Variants in CERT1 observed in about 807,000 individuals in gnomAD.
CERT1 encodes ceramide transporter 1, also known as ceramide transfer protein.
A neutral mutation model predicts 87.9 loss-of-function variants in CERT1; 31 were observed. That is an observed-to-expected ratio of 0.35 (90% CI 0.27 to 0.48). CERT1 has a LOEUF of 0.48. Among genes scored for constraint, CERT1 ranks in the 20% least tolerant of loss-of-function variants. The pLI, the probability that CERT1 is intolerant of heterozygous loss-of-function variation, is 0.99. For synonymous variants in CERT1, 289 were observed against 250.9 expected, an observed-to-expected ratio of 1.15 and a Z score of -1.44; for missense variants, 487 against 758.0, an observed-to-expected ratio of 0.64 and a Z score of 4.20.
chr5:75,468,444 A>C (rs1765562369), intron 2 of CERT1, among the ~76,000 whole-genome samples: 1 of 152,114 alleles, frequency 6.6e-6, no homozygotes, highest in South Asian at 2.1e-4. Flanking sequence ...CACAGTAAAA[A>C]TCCAGTGCCA....
chr5:75,431,540 CTG>C (rs1763867267), intron 3 of CERT1, among the ~76,000 whole-genome samples: 1 of 152,170 alleles, frequency 6.6e-6, no homozygotes, highest in Admixed American at 6.5e-5. Flanking sequence ...GATCCCTTCT[CTG>C]TGTTATGGGG....
In CERT1 at chr5:75,440,242, CATGA is replaced by C. The variant is rs554945003; in HGVS notation, c.349-13768_349-13765del. Among the ~76,000 whole-genome samples, 101 of 152,166 alleles carry C rather than the reference CATGA, an allele frequency of 6.6e-4. 1 individual carries two copies. The highest frequency in any genetic ancestry group is 2.4e-3 in the African/African-American group (98 of 41,554). On this transcript the variant is annotated intron_variant, in intron 3 of 16. Coordinates refer to ENST00000643780, the MANE Select transcript of CERT1 (RefSeq NM_001379029.1). ...AATAATTTCCAGGAACTGAACCAAT[CATGA>C]ATCAAATAAATTTTAAAACATTTAT...
chr5:75,484,462 TAA>T (rs879290541), intron 2 of CERT1, among the ~76,000 whole-genome samples: 9 of 137,366 alleles, frequency 6.6e-5, no homozygotes, highest in South Asian at 2.3e-4. Flanking sequence ...CTGAATGGAT[TAA>T]AAAAAAAAAA....
intron 7 of CERT1, among the ~76,000 whole-genome samples, chr5:75,414,508 A>G (rs1763062784): frequency 6.6e-6 from 1 of 152,174 alleles, no homozygotes; most frequent in South Asian, 2.1e-4. Context: ...TGAATCTAAT[A>G]ATGTAAGAAA....
intron 3 of CERT1, among the ~76,000 whole-genome samples, chr5:75,427,441 A>G (rs1348240547): frequency 1.3e-5 from 2 of 152,198 alleles, no homozygotes; most frequent in African/African-American, 4.8e-5. Flanking sequence ...TCTACTAAAA[A>G]TACAAAAATT....
At chr5:75,445,314 A>G (rs1391571116) in intron 3 of CERT1, among the ~76,000 whole-genome samples, 1 of 152,200 alleles carries the variant, frequency 6.6e-6, no homozygotes, top group African/African-American at 2.4e-5. Context: ...TTATTTCTTC[A>G]TACAGCTCAG....
chr5:75,476,374 A>G (rs1041389272), intron 2 of CERT1, among the ~76,000 whole-genome samples: 1 of 152,054 alleles, frequency 6.6e-6, no homozygotes, highest in African/African-American at 2.4e-5. Context: ...TTTAGTATAT[A>G]TAACGGAATG....
chr5:75,487,501 G>A (rs575520973), intron 2 of CERT1, among the ~76,000 whole-genome samples: 9 of 151,996 alleles, frequency 5.9e-5, no homozygotes, highest in South Asian at 2.1e-4. Context: ...GTTAAAAGGC[G>A]TCTCTACAGA....
chr5:75,481,709 T>A (rs1485632449), intron 2 of CERT1, among the ~76,000 whole-genome samples: 3 of 152,334 alleles, frequency 2.0e-5, no homozygotes, highest in Non-Finnish European at 4.4e-5. Flanking sequence ...AGTTCTTTCA[T>A]ATAACATATT....
intron 1 of CERT1, among the ~76,000 whole-genome samples, chr5:75,508,162 T>C (rs1052912816): frequency 3.3e-5 from 5 of 152,238 alleles, no homozygotes; most frequent in Middle Eastern, 3.2e-3. Context: ...AGACCCTTCA[T>C]GGATTAATCC....
chr5:75,509,574 T>C (rs1316018518), intron 1 of CERT1, among the ~76,000 whole-genome samples: 1 of 152,206 alleles, frequency 6.6e-6, no homozygotes, highest in Non-Finnish European at 1.5e-5. Context: ...TTTTTATCTA[T>C]AGTATACCTA....
chr5:75,455,097 TA>T (rs1764925313), intron 3 of CERT1, among the ~76,000 whole-genome samples: 1 of 152,176 alleles, frequency 6.6e-6, no homozygotes, highest in Admixed American at 6.5e-5. Flanking sequence ...ATCTGAAAAG[TA>T]TGTTCAGCAA....
intron 2 of CERT1, among the ~76,000 whole-genome samples, chr5:75,468,471 T>C (rs965774277): frequency 6.6e-6 from 1 of 152,100 alleles, no homozygotes; most frequent in Non-Finnish European, 1.5e-5. Context: ...CCCCTCATGG[T>C]AACTGAATCC....
At chr5:75,473,416 T>C (rs575808438) in intron 2 of CERT1, among the ~76,000 whole-genome samples, 11 of 152,292 alleles carry the variant, frequency 7.2e-5, no homozygotes, top group African/African-American at 2.6e-4. Flanking sequence ...GAAAATGCTG[T>C]CATTTTTGAC....
At chr5:75,465,923 G>A (rs1019102431) in intron 2 of CERT1, among the ~76,000 whole-genome samples, 2 of 152,174 alleles carry the variant, frequency 1.3e-5, no homozygotes, top group Non-Finnish European at 2.9e-5. Context: ...TGCTAACTAA[G>A]GGGAGTTAAC....
At chr5:75,423,631 G>A (rs1206163423) in intron 5 of CERT1, among the ~76,000 whole-genome samples, 2 of 152,106 alleles carry the variant, frequency 1.3e-5, no homozygotes, top group Non-Finnish European at 2.9e-5. Context: ...GTCCTAGCCA[G>A]TTCGGAAGTT....
At chr5:75,414,528 C>T (rs1253056037) in intron 7 of CERT1, among the ~76,000 whole-genome samples, 1 of 152,092 alleles carries the variant, frequency 6.6e-6, no homozygotes, top group Non-Finnish European at 1.5e-5. Flanking sequence ...AATGTATCTT[C>T]AATGAACAGG....
Position 75,493,479 on chromosome 5 carries a change from A to T in CERT1, c.231+12503T>A, listed in dbSNP as rs149560986. Among the ~76,000 whole-genome samples the T allele has an allele frequency of 5.4e-4, 83 of 152,320 alleles. 1 individual carries two copies. Among genetic ancestry groups the T allele is most frequent in the African/African-American group, 1.9e-3 (78 of 41,564 alleles). Reference sequence around the variant, plus strand: ...ATTGTCGAAAATAATTATTCTTCAGAAGAATGTAGGCATCAGCCATTGCAT... The same window carrying T: ...ATTGTCGAAAATAATTATTCTTCAGTAGAATGTAGGCATCAGCCATTGCAT... On this transcript the variant is annotated intron_variant, in intron 2 of 16. Coordinates refer to ENST00000643780, the MANE Select transcript of CERT1 (RefSeq NM_001379029.1).
chr5:75,389,721 A>C (rs781041547), intron 11 of CERT1, 34 bp from the exon 12 acceptor site: 1 of 1,492,092 alleles, frequency 6.7e-7, no homozygotes, highest in Non-Finnish European at 9.4e-7. Context: ...TGAGAATCCA[A>C]AAGGTATGTC....
Sources: gnomAD v4.1 joint callset for allele counts (sites outside exome capture counted in the v4.1 genomes callset) on GRCh38, gnomAD v4.1.1 for gene constraint, MANE v1.5 for transcripts, NCBI Gene and HGNC (gene_info 2026-07-23, HGNC 2026-07-21) for gene names.